Variants in PCNX3 observed in about 807,000 individuals in gnomAD.
PCNX3 encodes the protein pecanex-like protein 3.
A neutral mutation model predicts 207.2 loss-of-function variants in PCNX3; 58 were observed. The observed-to-expected ratio is 0.28, with a 90% CI of 0.23 to 0.35. The LOEUF (loss-of-function observed/expected upper bound fraction) is 0.35, where lower values mean the gene tolerates loss of function less well. PCNX3 is among the 10% of genes least tolerant of loss of function. PCNX3 has a pLI of 1.00. For synonymous variants in PCNX3, 1,337 were observed against 1,183.5 expected (o/e 1.13, Z -2.66); for missense variants, 2,410 against 2,774.4 (o/e 0.87, Z 2.95).
At position 65,636,187 on chromosome 11, in the gene PCNX3, T is replaced by C. The variant is rs776949464; in HGVS notation, c.5473T>C (p.Cys1825Arg). The C allele has an allele frequency of 1.2e-6, 2 of 1,602,440 alleles. No homozygotes were observed. Among genetic ancestry groups the C allele is most frequent in the East Asian group, 2.3e-5 (1 of 44,276 alleles). The change falls in exon 33 of 35, where the codon TGT becomes CGT. Residue 1825 changes from cysteine (C) to arginine (R), a missense_variant. By Grantham distance (180) the Cys-to-Arg change is radical. This residue lies in a region of PCNX3 where 59 missense variants were observed against 83.9 expected (regional missense o/e 0.70). Coordinates refer to ENST00000355703, the MANE Select transcript of PCNX3 (RefSeq NM_032223.4). ...LRTWERLHKG[C>R]GAGCNSGGNV... is the part of the protein sequence containing the mutation. ...CTCCACCCCCAGGCTTCACAAGGGC[T>C]GTGGCGCCGGCTGCAATAGTGGCGG...
chr11:65,621,397 TCA>T, intron 10 of PCNX3, among the ~76,000 whole-genome samples: 1 of 152,250 alleles, frequency 6.6e-6, no homozygotes, highest in Non-Finnish European at 1.5e-5. Flanking sequence ...CAGCGCTCTG[TCA>T]CTCTTAAGAA....
intron 29 of PCNX3, 139 bp from the exon 30 acceptor site, chr11:65,634,834 G>A: frequency 1.5e-6 from 2 of 1,296,802 alleles, no homozygotes; most frequent in Non-Finnish European, 2.1e-6. Context: ...TGAGAGACAT[G>A]GGCAGAGATT....
Position 65,635,737 on chromosome 11 carries a change from G to A in PCNX3, c.5393G>A (p.Arg1798Gln), listed in dbSNP as rs772367165. ...TSLAGSHPQL[R>Q]ALWGGPISLG... ...CTGGCTGGCAGCCACCCCCAGCTACGGGCACTGTGGGGTGGCCCCATCAGC... is the reference window on the plus strand; with the variant it reads ...CTGGCTGGCAGCCACCCCCAGCTACAGGCACTGTGGGGTGGCCCCATCAGC... Residue 1798 changes from arginine (R) to glutamine (Q), a missense_variant, in exon 32 of 35, where the codon CGG becomes CAG. This residue lies in a region of PCNX3 where 59 missense variants were observed against 83.9 expected (regional missense o/e 0.70). Transcript: ENST00000355703. The surrounding 1 kb of genome is among the most constrained non-coding windows in gnomAD (Gnocchi z 9.9). The A allele has an allele frequency of 7.5e-5, 121 of 1,603,574 alleles. No individual in the cohort carries two copies. Among genetic ancestry groups the A allele is most frequent in the Non-Finnish European group, 1.0e-4 (118 of 1,175,802 alleles).
intron 1 of PCNX3, among the ~76,000 whole-genome samples, 175 bp from the exon 2 acceptor site, chr11:65,616,649 T>C (rs1854745438): frequency 6.6e-6 from 1 of 152,186 alleles, no homozygotes; most frequent in Non-Finnish European, 1.5e-5. Context: ...CTACACTTAA[T>C]CTCATCCAGC....
At position 65,624,183 on chromosome 11, in the gene PCNX3, C is replaced by T; in HGVS notation, c.2545-12C>T. The T allele has an allele frequency of 6.3e-7, 1 of 1,598,368 alleles. No homozygotes were observed. The highest frequency in any genetic ancestry group is 8.5e-7 in the Non-Finnish European group (1 of 1,174,698). On this transcript the variant is annotated splice_polypyrimidine_tract_variant and intron_variant, in intron 13 of 34. Transcript: ENST00000355703. ...TCGGGGAGACCCAGCTCCTCATGGGCTGACCCCTCAGGGCCACAACTGGGT... is the reference window on the plus strand; with the variant it reads ...TCGGGGAGACCCAGCTCCTCATGGGTTGACCCCTCAGGGCCACAACTGGGT...
rs1417427002 is a variant in PCNX3, at chr11:65,625,340, T to C, written c.3029+60T>C. The stretch of plus-strand genomic sequence containing the variant: ...CCAGTAGGGGTTTGTGGTCTGTGCA[T>C]GTGCCCGTGACTGGGGCCGGGGGGA... On this transcript the variant is annotated intron_variant, in intron 17 of 34. Transcript: ENST00000355703. The surrounding 1 kb of genome is among the most constrained non-coding windows in gnomAD (Gnocchi z 5.6). The C allele has an allele frequency of 3.0e-5, 47 of 1,592,156 alleles. No homozygotes were observed. The highest frequency in any genetic ancestry group is 3.9e-5 in the Non-Finnish European group (46 of 1,169,450).
chr11:65,627,194 G>A, intron 21 of PCNX3, 146 bp downstream of exon 21: 1 of 1,277,118 alleles, frequency 7.8e-7, no homozygotes, highest in South Asian at 1.6e-5. Context: ...CGCCATCCCA[G>A]GAAGTGGTTG....
intron 27 of PCNX3, among the ~76,000 whole-genome samples, chr11:65,632,767 C>T (rs1855667638): frequency 6.7e-6 from 1 of 149,984 alleles, no homozygotes; most frequent in South Asian, 2.2e-4. Flanking sequence ...TTTTTTGAAA[C>T]AAGGTCTCAT....
chr11:65,634,974 C>CA lies in PCNX3; in HGVS notation c.4807_4808insA (p.Leu1603HisfsTer23). On this transcript the variant is annotated frameshift_variant and splice_region_variant, in exon 30 of 35. Transcript: ENST00000355703. LOFTEE classifies it high-confidence loss of function. ...CTCCCTGTTTTTCCTCCCACTTAGC[C>CA]TGGAGCCCTTCCTCTACGGCCTGCA... 6.2e-7 allele frequency: 1 copy of CA among 1,612,354 alleles called. No homozygotes were observed. Among genetic ancestry groups the CA allele is most frequent in the Non-Finnish European group, 8.5e-7 (1 of 1,178,736 alleles).
Position 65,625,397 on chromosome 11 carries a change from A to G in PCNX3, c.3030-8A>G. ...GGCGGCCTCCTCCTGACTCTTCCTCACCCCCAGGTCTCTGATCCGGAGCAA... is the reference window on the plus strand; with the variant it reads ...GGCGGCCTCCTCCTGACTCTTCCTCGCCCCCAGGTCTCTGATCCGGAGCAA... On this transcript the variant is annotated splice_region_variant and splice_polypyrimidine_tract_variant and intron_variant, in intron 17 of 34. Transcript: ENST00000355703. The surrounding 1 kb of genome is among the most constrained non-coding windows in gnomAD (Gnocchi z 5.6). 1.3e-6 allele frequency: 2 copies of G among 1,598,286 alleles called. No homozygotes were observed. Among genetic ancestry groups the G allele is most frequent in the Non-Finnish European group, 1.7e-6 (2 of 1,176,474 alleles).
chr11:65,628,642 G>A lies in PCNX3; in HGVS notation c.3750G>A (p.Ala1250=), dbSNP rs749688807. The change falls in exon 23 of 35, where the codon GCG becomes GCA. Residue 1250 remains alanine (A), a synonymous_variant. Coordinates refer to ENST00000355703, the MANE Select transcript of PCNX3 (RefSeq NM_032223.4). Reference sequence around the variant, plus strand: ...TGCGTTTCGTGCTGACCTACATCGCGCCCTGGCAGATCACCTGGGGCTCGG... The same window carrying A: ...TGCGTTTCGTGCTGACCTACATCGCACCCTGGCAGATCACCTGGGGCTCGG... ...YKLRFVLTYI[A]PWQITWGSAF... The A allele has an allele frequency of 1.7e-5, 27 of 1,613,484 alleles. No homozygotes were observed. The highest frequency in any genetic ancestry group is 5.0e-5 in the Admixed American group (3 of 59,998).
chr11:65,620,172 G>A (rs1855011752), intron 8 of PCNX3, among the ~76,000 whole-genome samples, 167 bp from the exon 9 acceptor site: 1 of 152,204 alleles, frequency 6.6e-6, no homozygotes, highest in African/African-American at 2.4e-5. Flanking sequence ...TGACTGCCGC[G>A]CCCAGGCTCT....
Position 65,625,807 on chromosome 11 carries a change from T to C in PCNX3, c.3228+63T>C, listed in dbSNP as rs2135446487. 6.3e-7 allele frequency: 1 copy of C among 1,595,738 alleles called. No homozygotes were observed. Among genetic ancestry groups the C allele is most frequent in the South Asian group, 1.1e-5 (1 of 89,620 alleles). On this transcript the variant is annotated intron_variant, in intron 19 of 34. Coordinates refer to ENST00000355703, the MANE Select transcript of PCNX3 (RefSeq NM_032223.4). This position sits in a 1 kb window ranked among gnomAD's most constrained non-coding sequence, Gnocchi z 5.6. ...TTGGCGGGAGCCTGCTCAATCTGAG[T>C]GCCGTGGGCAGCCCCTCCCCGGCCT...
In PCNX3 at chr11:65,634,602, GC is replaced by G; in HGVS notation, c.4768del (p.Arg1590GlyfsTer140). The stretch of plus-strand genomic sequence containing the variant: ...TGTTTTGGCCTGTGTGTGCTGGGCC[GC>G]CGGGCCCTGGGGACAGCCTCTCACA... Reference protein sequence around the residue: ...TLCFGLCVLGRRALGTASHSM... With the variant: ...TLCFGLCVLGXRALGTASHSM... On this transcript the variant is annotated frameshift_variant, in exon 29 of 35. Transcript: ENST00000355703. LOFTEE classifies it high-confidence loss of function. 1 of 1,603,516 alleles carries G rather than the reference GC, an allele frequency of 6.2e-7. No individual in the cohort carries two copies. Among genetic ancestry groups the G allele is most frequent in the South Asian group, 1.1e-5 (1 of 90,186 alleles).
chr11:65,636,428 G>C lies in PCNX3; in HGVS notation c.5631G>C (p.Trp1877Cys), dbSNP rs1171028235. The C allele has an allele frequency of 6.4e-7, 1 of 1,554,416 alleles. No individual in the cohort carries two copies. The highest frequency in any genetic ancestry group is 1.4e-5 in the African/African-American group (1 of 72,884). ...GDQPLPPGPG[W>C]GPRSSLSGSG... ...AACCCCTCCCACCAGGCCCTGGCTGGGGGCCGCGGTCCTCCCTGAGTGGCT... is the reference window on the plus strand; with the variant it reads ...AACCCCTCCCACCAGGCCCTGGCTGCGGGCCGCGGTCCTCCCTGAGTGGCT... Residue 1877 changes from tryptophan (W) to cysteine (C), a missense_variant, in exon 34 of 35, where the codon TGG becomes TGC. Physicochemically the swap from Trp to Cys is radical, Grantham distance 215. Around this residue, in one of 8 missense-constraint regions of PCNX3, gnomAD observed 278 missense variants for 245.1 expected, o/e 1.13. Transcript: ENST00000355703.
chr11:65,620,392 G>C lies in PCNX3; in HGVS notation c.2062G>C (p.Val688Leu). The C allele has an allele frequency of 1.9e-6, 3 of 1,613,418 alleles. No individual in the cohort carries two copies. The highest frequency in any genetic ancestry group is 2.5e-6 in the Non-Finnish European group (3 of 1,179,816). Reference protein sequence around the residue: ...GLAGGGYENPVGQQGEQTANG... With the variant: ...GLAGGGYENPLGQQGEQTANG... ...GGCTGGAGGCGGCTACGAGAACCCT[G>C]TAGGGCAGCAAGGGGAGCAGACAGC... The change falls in exon 9 of 35, where the codon GTA becomes CTA. Residue 688 changes from valine (V) to leucine (L), a missense_variant. Coordinates refer to ENST00000355703, the MANE Select transcript of PCNX3 (RefSeq NM_032223.4).
Position 65,635,691 on chromosome 11 carries a change from G to A in PCNX3, c.5347G>A (p.Val1783Met). The change falls in exon 32 of 35, where the codon GTG becomes ATG. Residue 1783 changes from valine to methionine, a missense_variant. Coordinates refer to ENST00000355703, the MANE Select transcript of PCNX3 (RefSeq NM_032223.4). This position sits in a 1 kb window ranked among gnomAD's most constrained non-coding sequence, Gnocchi z 9.9. The part of the protein sequence containing the change: ...CDQPLGYPIY[V>M]SPLTTSLAGS... Reference sequence around the variant, plus strand: ...CCAGCCGCTGGGCTACCCCATCTACGTGTCGCCTCTCACCACCTCGCTGGC... The same window carrying A: ...CCAGCCGCTGGGCTACCCCATCTACATGTCGCCTCTCACCACCTCGCTGGC... The A allele has an allele frequency of 1.2e-6, 2 of 1,611,640 alleles. No homozygotes were observed. The highest frequency in any genetic ancestry group is 1.7e-6 in the Non-Finnish European group (2 of 1,179,212).
rs773509987 is a variant in PCNX3 at position 65,625,506 on chromosome 11, C to T, written c.3131C>T (p.Ser1044Leu). ...PDPLPDKMRQ[S>L]VREVLHSDLV... ...CCCTTGCCGGACAAGATGCGCCAGT[C>T]GGTGGTGAGGGGGCGGGGGGTGGGG... Residue 1044 changes from serine (S) to leucine (L), a missense_variant, in exon 18 of 35, where the codon TCG becomes TTG. By Grantham distance (145) the Ser-to-Leu change is moderately radical (BLOSUM62 -2). Coordinates refer to ENST00000355703, the MANE Select transcript of PCNX3 (RefSeq NM_032223.4). The surrounding 1 kb of genome is among the most constrained non-coding windows in gnomAD (Gnocchi z 5.6). 1.7e-5 allele frequency: 27 copies of T among 1,567,634 alleles called. No homozygotes were observed. Among genetic ancestry groups the T allele is most frequent in the Admixed American group, 3.4e-5 (2 of 58,692 alleles).
intron 20 of PCNX3, 128 bp from the exon 21 acceptor site, chr11:65,626,776 C>A: frequency 7.2e-7 from 1 of 1,383,094 alleles, no homozygotes; most frequent in Non-Finnish European, 9.8e-7. Flanking sequence ...TGAGCTGCCA[C>A]AGATCAGCCC....
Sources: allele counts gnomAD v4.1 joint callset (sites outside exome capture counted in the v4.1 genomes callset), GRCh38; gene constraint gnomAD v4.1.1; regional missense constraint gnomAD v4.1.1; non-coding constraint Gnocchi (gnomAD v3.1); transcripts MANE v1.5; gene names NCBI Gene and HGNC (gene_info 2026-07-23, HGNC 2026-07-21).